TRHDE: variants seen among roughly 807,000 people sequenced by gnomAD.
The protein encoded by TRHDE is thyrotropin-releasing hormone-degrading ectoenzyme.
In TRHDE, 72 loss-of-function variants were observed where a neutral mutation model predicts 125.7. That is an observed-to-expected ratio of 0.57 (90% CI 0.47 to 0.70). The LOEUF is 0.70. TRHDE is among the 30% of genes least tolerant of loss of function. TRHDE has a pLI of 0.00. For synonymous variants in TRHDE, 509 were observed against 509.1 expected, an observed-to-expected ratio of 1.00 and a Z score of 0.00; for missense variants, 1,110 against 1,327.1, an observed-to-expected ratio of 0.84 and a Z score of 2.54.
At chr12:72,275,914 C>A (rs1338511034) in intron 1 of TRHDE, among the ~76,000 whole-genome samples, 1 of 152,082 alleles carries the variant, frequency 6.6e-6, no homozygotes, top group Non-Finnish European at 1.5e-5. Flanking sequence ...CTGAAAATCC[C>A]AGGATTGTTT....
chr12:72,154,711 G>C lies in TRHDE; in HGVS notation n.279+48959G>C, dbSNP rs1195120349. Among the ~76,000 whole-genome samples, 3 of 152,196 alleles carry C rather than the reference G, an allele frequency of 2.0e-5. No individual in the cohort carries two copies. The East Asian group carries it at 5.8e-4, about 29-fold the overall frequency. On this transcript the variant is annotated intron_variant and non_coding_transcript_variant, in intron 2 of 4. Coordinates refer to the TRHDE transcript ENST00000548156. ...GAAAATTCTTTTCTTTAAGAATGTT[G>C]AATATTGGCCCCCACTCTCTTCTGG...
At chr12:72,371,712 G>T (rs1402819383) in intron 2 of TRHDE, among the ~76,000 whole-genome samples, 2 of 151,930 alleles carry the variant, frequency 1.3e-5, no homozygotes, top group African/African-American at 4.8e-5. Context: ...CCCTACAAAG[G>T]ACATGAACTC....
chr12:72,170,197 T>C (rs1181453038), intron 2 of TRHDE, among the ~76,000 whole-genome samples: 4 of 152,158 alleles, frequency 2.6e-5, no homozygotes, highest in African/African-American at 9.6e-5. Flanking sequence ...AAGGGCTGGA[T>C]TTCTTAAAGT....
intron 3 of TRHDE, among the ~76,000 whole-genome samples, chr12:72,405,728 A>G (rs1410726503): frequency 6.6e-6 from 1 of 152,222 alleles, no homozygotes; most frequent in African/African-American, 2.4e-5. Context: ...GAAAGGGAAA[A>G]TGCTTGTTCA....
At chr12:72,152,379 A>C (rs942287472) in intron 2 of TRHDE, among the ~76,000 whole-genome samples, 4 of 151,760 alleles carry the variant, frequency 2.6e-5, no homozygotes, top group South Asian at 4.2e-4. Flanking sequence ...CTAATTGAAT[A>C]CCCTTTATTT....
chr12:72,439,083 C>T (rs1390541472), intron 3 of TRHDE, among the ~76,000 whole-genome samples: 1 of 151,650 alleles, frequency 6.6e-6, no homozygotes, highest in East Asian at 1.9e-4. Context: ...GTTCTTGGTG[C>T]CTTTGTTGAA....
intron 3 of TRHDE, among the ~76,000 whole-genome samples, chr12:72,441,661 G>A (rs779348921): frequency 2.0e-5 from 3 of 151,884 alleles, no homozygotes; most frequent in Non-Finnish European, 4.4e-5. Context: ...GAAGAGAGCT[G>A]TTATAGGTGT....
At position 72,360,899 on chromosome 12, in the gene TRHDE, G is replaced by C. The variant is rs905180903; in HGVS notation, c.1189-17096G>C. Among the ~76,000 whole-genome samples the C allele has an allele frequency of 2.0e-5, 3 of 151,558 alleles. No homozygotes were observed. The East Asian group carries it at 5.8e-4, about 29-fold the overall frequency. On this transcript the variant is annotated intron_variant, in intron 2 of 18. Coordinates refer to ENST00000261180, the MANE Select transcript of TRHDE (RefSeq NM_013381.3). The stretch of plus-strand genomic sequence containing the variant: ...TTTGTTACATAGGTAAACGTGTGCT[G>C]GGGTGGTTTGCTGCACCTATCAACC...
intron 2 of TRHDE, among the ~76,000 whole-genome samples, chr12:72,309,947 A>G (rs1426530330): frequency 2.0e-5 from 3 of 152,182 alleles, no homozygotes; most frequent in Admixed American, 6.5e-5. Context: ...GCCCTATTTA[A>G]AACAAAACAG....
chr12:72,394,959 CATG>C (rs1353842225), intron 3 of TRHDE, among the ~76,000 whole-genome samples: 5 of 152,304 alleles, frequency 3.3e-5, no homozygotes, highest in Admixed American at 6.5e-5. Context: ...TTGCTTACAA[CATG>C]ATGCTTGGAA....
At chr12:72,490,749 GA>G (rs1877632533) in intron 5 of TRHDE, among the ~76,000 whole-genome samples, 1 of 134,646 alleles carries the variant, frequency 7.4e-6, no homozygotes, top group Non-Finnish European at 1.6e-5. Context: ...CTAATATGTG[GA>G]ATCTGTAAAA....
chr12:72,256,271 C>T (rs1306121296), intron 2 of TRHDE: 6 of 152,028 alleles, frequency 3.9e-5, no homozygotes, highest in African/African-American at 1.4e-4. Flanking sequence ...TTCCTTTTTT[C>T]CTACTTTACT....
chr12:72,571,297 A>T (rs1163956990), intron 10 of TRHDE, among the ~76,000 whole-genome samples: 2 of 152,222 alleles, frequency 1.3e-5, no homozygotes, highest in Non-Finnish European at 2.9e-5. Context: ...AATTCTTTTA[A>T]ACATATGTAA....
intron 7 of TRHDE, among the ~76,000 whole-genome samples, chr12:72,549,528 C>T (rs1042089222): frequency 6.6e-6 from 1 of 151,658 alleles, no homozygotes. Flanking sequence ...AAATGCTGTG[C>T]AGTTTTAGAT....
chr12:72,133,706 C>A (rs1343097213), intron 2 of TRHDE, among the ~76,000 whole-genome samples: 1 of 152,184 alleles, frequency 6.6e-6, no homozygotes, highest in Non-Finnish European at 1.5e-5. Flanking sequence ...CTGCCCATCT[C>A]CTGACCCATA....
intron 2 of TRHDE, among the ~76,000 whole-genome samples, chr12:72,108,672 T>A (rs1033848902): frequency 1.1e-4 from 16 of 152,108 alleles, no homozygotes; most frequent in African/African-American, 3.4e-4. Context: ...CCTGGTGTTC[T>A]GGTGCAGTTC....
At chr12:72,101,367 G>GA (rs1350366304) in intron 1 of TRHDE, among the ~76,000 whole-genome samples, 2 of 152,180 alleles carry the variant, frequency 1.3e-5, no homozygotes, top group Admixed American at 6.5e-5. Context: ...TGAAGCAGTA[G>GA]ACACAGAGTG....
intron 2 of TRHDE, among the ~76,000 whole-genome samples, chr12:72,176,502 A>G (rs147506388): frequency 7.9e-5 from 12 of 152,314 alleles, no homozygotes; most frequent in Non-Finnish European, 1.5e-4. Context: ...TTTCCACACT[A>G]AAATACTCAA....
Position 72,239,912 on chromosome 12 carries a change from T to A in TRHDE, n.279+134160T>A, listed in dbSNP as rs1878440425. On this transcript the variant is annotated intron_variant and non_coding_transcript_variant, in intron 2 of 4. Coordinates refer to the TRHDE transcript ENST00000548156. Reference sequence around the variant, plus strand: ...TGAACTTTGTCTGTCCTATTTTCAGTGAGCTTAAGCTAGAATTTTAATAGT... The same window carrying A: ...TGAACTTTGTCTGTCCTATTTTCAGAGAGCTTAAGCTAGAATTTTAATAGT... Among the ~76,000 whole-genome samples the A allele has an allele frequency of 2.0e-5, 3 of 152,224 alleles. 1 individual carries two copies. The highest frequency in any genetic ancestry group is 2.0e-4 in the Admixed American group (3 of 15,288).
Sources: allele counts gnomAD v4.1 joint callset (sites outside exome capture counted in the v4.1 genomes callset), GRCh38; gene constraint gnomAD v4.1.1; transcripts MANE v1.5; gene names NCBI Gene and HGNC (gene_info 2026-07-23, HGNC 2026-07-21).